The following CTNNA3 variants were observed in gnomAD, a reference collection of about 807,000 sequenced individuals.
CTNNA3 encodes the protein catenin alpha-3.
Under a neutral mutation model 95.7 loss-of-function variants are expected in CTNNA3, and 76 were observed. The observed-to-expected ratio is 0.79, with a 90% CI of 0.66 to 0.96. The LOEUF is 0.96. Among genes scored for constraint, CTNNA3 ranks in the 40% least tolerant of loss-of-function variants. CTNNA3 has a pLI of 0.00. For missense variants in CTNNA3, 1,191 were observed against 1,089.8 expected (o/e 1.09, Z -1.31); for synonymous variants, 431 against 374.4 (o/e 1.15, Z -1.74).
chr10:66,430,651 G>T (rs12266756), intron 11 of CTNNA3, among the ~76,000 whole-genome samples: 17,774 of 152,124 alleles, frequency 0.12, 1,487 homozygotes, highest in African/African-American at 0.24. Flanking sequence ...AAGAAATGAG[G>T]AAAGGATTCC....
At chr10:67,133,861 A>C (rs1427581626) in intron 7 of CTNNA3, among the ~76,000 whole-genome samples, 2 of 152,064 alleles carry the variant, frequency 1.3e-5, no homozygotes, top group Non-Finnish European at 2.9e-5. Flanking sequence ...GATTTTCTTT[A>C]TTTAGAGAGA....
chr10:66,733,308 A>C (rs1849023471), intron 9 of CTNNA3, among the ~76,000 whole-genome samples: 1 of 152,020 alleles, frequency 6.6e-6, no homozygotes, highest in African/African-American at 2.4e-5. Context: ...ATTGTTTTTT[A>C]AATTTGTGCT....
intron 12 of CTNNA3, among the ~76,000 whole-genome samples, chr10:66,338,641 A>T (rs932726556): frequency 9.9e-5 from 15 of 151,910 alleles, no homozygotes; most frequent in African/African-American, 2.2e-4. Flanking sequence ...TAAACAGGGG[A>T]ATGAAAACCT....
intron 13 of CTNNA3, among the ~76,000 whole-genome samples, chr10:66,175,221 G>A (rs909907705): frequency 6.6e-6 from 1 of 151,860 alleles, no homozygotes; most frequent in Non-Finnish European, 1.5e-5. Context: ...AGCCATGACA[G>A]GTTAACTGAC....
intron 1 of CTNNA3, among the ~76,000 whole-genome samples, chr10:67,711,852 C>T (rs916385101): frequency 2.0e-5 from 3 of 150,210 alleles, no homozygotes; most frequent in Admixed American, 6.7e-5. Context: ...TTTGTTCTTG[C>T]GATAGTTTAC....
intron 2 of CTNNA3, among the ~76,000 whole-genome samples, chr10:67,626,581 C>T (rs924905847): frequency 4.6e-5 from 7 of 152,130 alleles, no homozygotes; most frequent in African/African-American, 1.4e-4. Context: ...TTTGAGTGAC[C>T]CTGAAGCCTC....
chr10:66,116,637 ATG>A (rs1160369404), intron 13 of CTNNA3, among the ~76,000 whole-genome samples: 1 of 152,204 alleles, frequency 6.6e-6, no homozygotes, highest in Non-Finnish European at 1.5e-5. Flanking sequence ...CACATACTGT[ATG>A]TATTAGTCTG....
At chr10:66,454,623 A>G (rs1219071047) in intron 11 of CTNNA3, among the ~76,000 whole-genome samples, 1 of 125,662 alleles carries the variant, frequency 8.0e-6, no homozygotes, top group Non-Finnish European at 1.6e-5. Flanking sequence ...ATCTTTGGTG[A>G]TGATGTCAAT....
intron 5 of CTNNA3, among the ~76,000 whole-genome samples, chr10:67,390,011 G>A (rs563471684): frequency 6.6e-6 from 1 of 151,632 alleles, no homozygotes; most frequent in South Asian, 2.1e-4. Context: ...AGAAAAGCAA[G>A]AGCAAACACA....
intron 15 of CTNNA3, among the ~76,000 whole-genome samples, chr10:65,996,071 G>T (rs1006270810): frequency 2.0e-5 from 3 of 152,178 alleles, no homozygotes; most frequent in Admixed American, 6.5e-5. Flanking sequence ...TACACTGTGG[G>T]CCTGTTTCTG....
chr10:67,002,356 A>C (rs540345871), intron 7 of CTNNA3, among the ~76,000 whole-genome samples: 1 of 152,278 alleles, frequency 6.6e-6, no homozygotes, highest in East Asian at 1.9e-4. Context: ...ATCTAGGATC[A>C]TTGTTTACAT....
intron 7 of CTNNA3, among the ~76,000 whole-genome samples, chr10:67,118,755 C>T (rs577228641): frequency 6.6e-6 from 1 of 151,892 alleles, no homozygotes; most frequent in South Asian, 2.1e-4. Flanking sequence ...AAAGCCATGT[C>T]TCCCCTCTCA....
At chr10:66,975,309 C>T (rs1218861951) in intron 7 of CTNNA3, among the ~76,000 whole-genome samples, 1 of 152,104 alleles carries the variant, frequency 6.6e-6, no homozygotes, top group Non-Finnish European at 1.5e-5. Context: ...GAGTAGTATG[C>T]ACAACATGCA....
chr10:66,574,991 A>G (rs967199231), intron 10 of CTNNA3, among the ~76,000 whole-genome samples: 13 of 152,184 alleles, frequency 8.5e-5, no homozygotes, highest in Non-Finnish European at 1.6e-4. Context: ...AACTGGTTAC[A>G]TAACAAATAA....
chr10:67,560,612 G>C lies in CTNNA3; in HGVS notation c.293-20943C>G, dbSNP rs868609281. The stretch of plus-strand genomic sequence containing the variant: ...GAAAATAGGCAGCTAACATCATAAT[G>C]ACAGGATCAAATTCACACATAACAA... On this transcript the variant is annotated intron_variant, in intron 3 of 17. Coordinates refer to ENST00000433211, the MANE Select transcript of CTNNA3 (RefSeq NM_013266.4). Among the ~76,000 whole-genome samples the C allele has an allele frequency of 3.3e-5, 5 of 152,170 alleles. No individual in the cohort carries two copies. In the South Asian group the frequency reaches 1.0e-3, roughly 32 times the overall value.
intron 10 of CTNNA3, among the ~76,000 whole-genome samples, chr10:66,567,408 C>A (rs1302460270): frequency 6.6e-6 from 1 of 151,944 alleles, no homozygotes; most frequent in Non-Finnish European, 1.5e-5. Context: ...TGCTTGAGCC[C>A]AGGAGTTTAA....
At chr10:66,489,078 A>G (rs2131928150) in intron 11 of CTNNA3, among the ~76,000 whole-genome samples, 1 of 152,304 alleles carries the variant, frequency 6.6e-6, no homozygotes, top group South Asian at 2.1e-4. Flanking sequence ...AGACAGACGT[A>G]GTGAATCAAA....
chr10:67,190,968 G>A (rs1863093811), intron 6 of CTNNA3, among the ~76,000 whole-genome samples: 1 of 151,908 alleles, frequency 6.6e-6, no homozygotes, highest in South Asian at 2.1e-4. Context: ...CATATATACA[G>A]ATAGAAAATA....
chr10:67,698,467 C>T (rs542160691), upstream of CTNNA3, among the ~76,000 whole-genome samples: 6 of 152,282 alleles, frequency 3.9e-5, no homozygotes, highest in African/African-American at 1.4e-4. Flanking sequence ...ATAATTCTAT[C>T]CCTGTCAGTA....
Sources: gnomAD v4.1 joint callset for allele counts (sites outside exome capture counted in the v4.1 genomes callset) on GRCh38, gnomAD v4.1.1 for gene constraint, MANE v1.5 for transcripts, NCBI Gene and HGNC (gene_info 2026-07-23, HGNC 2026-07-21) for gene names.